CDCA4: variants seen among roughly 807,000 people sequenced by gnomAD.
CDCA4 encodes the protein cell division cycle associated 4.
For synonymous variants in CDCA4, 130 were observed against 137.0 expected, an observed-to-expected ratio of 0.95 and a Z score of 0.36; for missense variants, 294 against 322.1, an observed-to-expected ratio of 0.91 and a Z score of 0.67.
rs748662077 is a variant in CDCA4 at position 105,010,917 on chromosome 14, G to A, written c.*287C>T. On this transcript the variant is annotated 3_prime_UTR_variant, in exon 2 of 2. Transcript: ENST00000336219. ...GAGGTTGATGCAGCTGCGGCTCACCGTCCTCTACAGTGGGGGACACAAAGA... is the reference window on the plus strand; with the variant it reads ...GAGGTTGATGCAGCTGCGGCTCACCATCCTCTACAGTGGGGGACACAAAGA... The A allele has an allele frequency of 1.5e-5, 7 of 456,716 alleles. No homozygotes were observed. The South Asian group carries it at 1.8e-4, about 11-fold the overall frequency. 28.3% of individuals were successfully genotyped at this position (456,716 alleles called of 1,614,324 possible).
chr14:105,012,211 C>T (rs1157364888), intron 1 of CDCA4, among the ~76,000 whole-genome samples: 2 of 152,026 alleles, frequency 1.3e-5, no homozygotes, highest in East Asian at 3.8e-4. Flanking sequence ...TGTTTTATAG[C>T]AAAAAAGATA....
intron 1 of CDCA4, among the ~76,000 whole-genome samples, chr14:105,014,921 A>C (rs1900603732): frequency 6.6e-6 from 1 of 152,244 alleles, no homozygotes; most frequent in African/African-American, 2.4e-5. Context: ...TATAGACAGA[A>C]GAACCCCTGG....
chr14:105,016,328 T>C (rs1299000319), intron 1 of CDCA4, among the ~76,000 whole-genome samples: 1 of 152,230 alleles, frequency 6.6e-6, no homozygotes, highest in Non-Finnish European at 1.5e-5. Context: ...GAGGGAAGTT[T>C]CACACTACTG....
At position 105,010,002 on chromosome 14, in the gene CDCA4, T is replaced by G. The variant is rs747134004; in HGVS notation, c.*1202A>C. 2 of 152,290 alleles carry G rather than the reference T, an allele frequency of 1.3e-5. No individual in the cohort carries two copies. Among genetic ancestry groups the G allele is most frequent in the Non-Finnish European group, 2.9e-5 (2 of 68,036 alleles). 9.4% of individuals were successfully genotyped at this position (152,290 alleles called of 1,614,324 possible). On this transcript the variant is annotated 3_prime_UTR_variant, in exon 2 of 2. Transcript: ENST00000336219. Reference sequence around the variant, plus strand: ...TCACTGATATTTAAGAATGGCTATATGCACAAAAGAAAACACACCTTTTTG... The same window carrying G: ...TCACTGATATTTAAGAATGGCTATAGGCACAAAAGAAAACACACCTTTTTG...
At chr14:105,014,041 G>A (rs1057366057) in intron 1 of CDCA4, among the ~76,000 whole-genome samples, 1 of 152,172 alleles carries the variant, frequency 6.6e-6, no homozygotes, top group African/African-American at 2.4e-5. Context: ...CTTCCACAGG[G>A]GCATTAGGCT....
intron 1 of CDCA4, among the ~76,000 whole-genome samples, chr14:105,014,987 CAGG>C (rs1900605900): frequency 6.6e-6 from 1 of 152,196 alleles, no homozygotes. Context: ...GTGGGGCCTA[CAGG>C]AGGTCAGCAC....
intron 1 of CDCA4, among the ~76,000 whole-genome samples, chr14:105,014,258 G>A (rs1461053118): frequency 6.6e-6 from 1 of 152,216 alleles, no homozygotes; most frequent in Admixed American, 6.5e-5. Context: ...TGCGCCTGCG[G>A]CAGCCGTGTC....
At position 105,011,327 on chromosome 14, in the gene CDCA4, A is replaced by AC. The variant is rs759209155; in HGVS notation, c.602dup (p.Ala202CysfsTer20). 1.4e-5 allele frequency: 22 copies of AC among 1,613,982 alleles called. No individual in the cohort carries two copies. The highest frequency in any genetic ancestry group is 1.7e-5 in the Admixed American group (1 of 60,026). ...GCCCTTCGCAGGGGCCCGGCCTGGC[A>AC]CCCCCCATCATGCCTGTCAGTACTG... On this transcript the variant is annotated frameshift_variant, in exon 2 of 2. Transcript: ENST00000336219. LOFTEE classifies it low-confidence loss of function (END_TRUNC).
chr14:105,013,154 G>C (rs1040408006), intron 1 of CDCA4, among the ~76,000 whole-genome samples: 1 of 152,194 alleles, frequency 6.6e-6, no homozygotes, highest in African/African-American at 2.4e-5. Context: ...TGCACTAGAT[G>C]GACATTGGCC....
chr14:105,016,418 C>T (rs777930607), intron 1 of CDCA4, among the ~76,000 whole-genome samples: 2 of 152,162 alleles, frequency 1.3e-5, no homozygotes, highest in East Asian at 3.8e-4. Context: ...TCCTTAGCCT[C>T]GGCTCTTTAC....
chr14:105,017,940 T>C (rs1428694663), intron 1 of CDCA4, among the ~76,000 whole-genome samples: 1 of 152,134 alleles, frequency 6.6e-6, no homozygotes, highest in Admixed American at 6.5e-5. Flanking sequence ...CAATGATTTA[T>C]GCAACACGGA....
chr14:105,019,069 T>C (rs931615223), intron 1 of CDCA4, among the ~76,000 whole-genome samples: 2 of 152,002 alleles, frequency 1.3e-5, no homozygotes, highest in African/African-American at 4.8e-5. Flanking sequence ...TCTACACATC[T>C]AGTTAAATGC....
intron 1 of CDCA4, among the ~76,000 whole-genome samples, chr14:105,019,734 C>T (rs1034863571): frequency 6.6e-6 from 1 of 150,496 alleles, no homozygotes; most frequent in Non-Finnish European, 1.5e-5. Flanking sequence ...TTTTTTGAGA[C>T]GGAGTCTCGC....
At chr14:105,020,494 C>G (rs1474743619) in intron 1 of CDCA4, among the ~76,000 whole-genome samples, 1 of 152,254 alleles carries the variant, frequency 6.6e-6, no homozygotes, top group Non-Finnish European at 1.5e-5. Context: ...CCACCTCGCA[C>G]CGCCGGAGGA....
At position 105,011,026 on chromosome 14, in the gene CDCA4, A is replaced by G; in HGVS notation, c.*178T>C. 1.4e-6 allele frequency: 1 copy of G among 702,566 alleles called. No homozygotes were observed. Among genetic ancestry groups the G allele is most frequent in the Non-Finnish European group, 2.3e-6 (1 of 434,802 alleles). The allele number at this position is 702,566 out of a possible 1,614,324, so 43.5% of individuals were successfully genotyped here. Reference sequence around the variant, plus strand: ...CTCTGCCTGGCGCTCCACAGGGGGGAGGTGAGTGGGACGGGCCTAGGGCTG... The same window carrying G: ...CTCTGCCTGGCGCTCCACAGGGGGGGGGTGAGTGGGACGGGCCTAGGGCTG... On this transcript the variant is annotated 3_prime_UTR_variant, in exon 2 of 2. Coordinates refer to ENST00000336219, the MANE Select transcript of CDCA4 (RefSeq NM_017955.4).
chr14:105,018,934 A>G (rs1886154157), intron 1 of CDCA4, among the ~76,000 whole-genome samples: 1 of 151,880 alleles, frequency 6.6e-6, no homozygotes, highest in Non-Finnish European at 1.5e-5. Context: ...ACGGGGTTTC[A>G]CCATGTTGGC....
Position 105,011,731 on chromosome 14 carries a change from G to T in CDCA4, c.199C>A (p.Arg67=). 6.2e-7 allele frequency: 1 copy of T among 1,613,682 alleles called. No homozygotes were observed. Among genetic ancestry groups the T allele is most frequent in the East Asian group, 2.2e-5 (1 of 44,888 alleles). ...CRSVLIANTV[R]QIQEEMTQDG... is the part of the protein sequence containing the mutation. The stretch of plus-strand genomic sequence containing the variant: ...TGCGTCATCTCCTCTTGGATCTGCC[G>T]GACCGTGTTGGCAATGAGGACTGAG... Residue 67 remains arginine (R), a synonymous_variant, in exon 2 of 2, where the codon CGG becomes AGG. Coordinates refer to ENST00000336219, the MANE Select transcript of CDCA4 (RefSeq NM_017955.4).
intron 1 of CDCA4, among the ~76,000 whole-genome samples, chr14:105,013,705 C>T (rs1237090639): frequency 6.6e-6 from 1 of 152,120 alleles, no homozygotes; most frequent in East Asian, 1.9e-4. Context: ...CCTGCTGGTC[C>T]TACCCTTGAA....
At chr14:105,020,072 T>G (rs1886185738) in intron 1 of CDCA4, among the ~76,000 whole-genome samples, 1 of 152,294 alleles carries the variant, frequency 6.6e-6, no homozygotes, top group East Asian at 1.9e-4. Flanking sequence ...GAAAACATGT[T>G]CCAGTGGCAA....
Sources: allele counts gnomAD v4.1 joint callset (sites outside exome capture counted in the v4.1 genomes callset), GRCh38; gene constraint gnomAD v4.1.1; transcripts MANE v1.5; gene names NCBI Gene and HGNC (gene_info 2026-07-23, HGNC 2026-07-21).